Variants in VAV3 observed in about 807,000 individuals in gnomAD.
The protein encoded by VAV3 is vav guanine nucleotide exchange factor 3.
In VAV3, 94 loss-of-function variants were observed where a neutral mutation model predicts 131.2. The ratio of observed to expected loss-of-function variants is 0.72; its 90% CI spans 0.61 to 0.85. VAV3 has a LOEUF of 0.85. Among genes scored for constraint, VAV3 ranks in the 40% least tolerant of loss-of-function variants. The probability of loss-of-function intolerance (pLI) is 0.00; values close to 1 mark genes in which losing one functional copy is unlikely to be tolerated. For synonymous variants in VAV3, 349 were observed against 342.0 expected (o/e 1.02, Z -0.22); for missense variants, 939 against 1,002.7 (o/e 0.94, Z 0.86).
At chr1:107,954,247 A>G (rs1674691942) in intron 1 of VAV3, among the ~76,000 whole-genome samples, 1 of 152,162 alleles carries the variant, frequency 6.6e-6, no homozygotes. Flanking sequence ...AAAGCACATC[A>G]TTTTAAACAA....
intron 19 of VAV3, among the ~76,000 whole-genome samples, chr1:107,663,483 T>C (rs1391067715): frequency 6.6e-6 from 1 of 152,044 alleles, no homozygotes; most frequent in Non-Finnish European, 1.5e-5. Context: ...TAACTTTGGA[T>C]CGAAAATGAA....
intron 2 of VAV3, among the ~76,000 whole-genome samples, chr1:107,849,416 A>G (rs1053350173): frequency 2.0e-5 from 3 of 152,280 alleles, no homozygotes; most frequent in African/African-American, 7.2e-5. Context: ...GGCCTCAGAA[A>G]TAACACCACA....
At chr1:107,734,078 T>C in intron 15 of VAV3, among the ~76,000 whole-genome samples, 1 of 152,232 alleles carries the variant, frequency 6.6e-6, no homozygotes, top group East Asian at 1.9e-4. Context: ...AGAACAGAAT[T>C]TTCAACCCAG....
At chr1:107,945,741 G>C (rs1398591955) in intron 1 of VAV3, among the ~76,000 whole-genome samples, 1 of 149,998 alleles carries the variant, frequency 6.7e-6, no homozygotes, top group Non-Finnish European at 1.5e-5. Context: ...AGAATCGCTT[G>C]AACCTGGGAG....
At chr1:107,785,870 A>T (rs1453889498) in intron 2 of VAV3, among the ~76,000 whole-genome samples, 3 of 152,230 alleles carry the variant, frequency 2.0e-5, no homozygotes, top group Non-Finnish European at 4.4e-5. Flanking sequence ...GACTAACAAC[A>T]TGTTTCACCT....
chr1:107,863,787 TA>T (rs1323416723), intron 2 of VAV3, among the ~76,000 whole-genome samples: 4 of 152,208 alleles, frequency 2.6e-5, no homozygotes, highest in Non-Finnish European at 5.9e-5. Context: ...GTTTGATCTA[TA>T]GAGGAATCCT....
In VAV3 at chr1:107,954,089, C is replaced by T. The variant is rs1674682034; in HGVS notation, c.204+10577G>A. Among the ~76,000 whole-genome samples the T allele has an allele frequency of 1.3e-5, 2 of 152,162 alleles. 1 individual carries two copies. The highest frequency in any genetic ancestry group is 4.1e-4 in the South Asian group (2 of 4,822). On this transcript the variant is annotated intron_variant, in intron 1 of 26. Coordinates refer to ENST00000370056, the MANE Select transcript of VAV3 (RefSeq NM_006113.5). ...CCAAGATTAAGGAAAACCAGAATGTCAACTTGTGACTGGCTTTAACACCAT... is the reference window on the plus strand; with the variant it reads ...CCAAGATTAAGGAAAACCAGAATGTTAACTTGTGACTGGCTTTAACACCAT...
chr1:107,928,432 C>T (rs1351898319), intron 1 of VAV3, among the ~76,000 whole-genome samples: 2 of 152,128 alleles, frequency 1.3e-5, no homozygotes, highest in Admixed American at 1.3e-4. Flanking sequence ...AAGGACCAAT[C>T]CTGGAGAAAC....
intron 2 of VAV3, among the ~76,000 whole-genome samples, chr1:107,869,888 A>G (rs564016137): frequency 1.1e-4 from 17 of 152,334 alleles, no homozygotes; most frequent in African/African-American, 3.8e-4. Flanking sequence ...GAGTGAGAAC[A>G]CACAATGTTT....
At chr1:107,919,432 A>G (rs1391262404) in intron 1 of VAV3, among the ~76,000 whole-genome samples, 2 of 152,242 alleles carry the variant, frequency 1.3e-5, no homozygotes, top group Non-Finnish European at 2.9e-5. Context: ...TATTCTTAAT[A>G]TAAACTGGAA....
chr1:107,573,441 A>G, intron 26 of VAV3, 69 bp from the exon 27 acceptor site: 1 of 1,594,918 alleles, frequency 6.3e-7, no homozygotes. Flanking sequence ...TTCTACAAAC[A>G]GAGTATTTTG....
chr1:107,741,004 C>T (rs1662988545), intron 15 of VAV3, among the ~76,000 whole-genome samples: 1 of 152,102 alleles, frequency 6.6e-6, no homozygotes, highest in Non-Finnish European at 1.5e-5. Flanking sequence ...TCCAAACAAA[C>T]CTCCTGATGA....
intron 15 of VAV3, among the ~76,000 whole-genome samples, chr1:107,722,053 G>T (rs1159871193): frequency 6.6e-6 from 1 of 152,182 alleles, no homozygotes; most frequent in Admixed American, 6.5e-5. Context: ...TTATTCTGGT[G>T]GTTAGTATCT....
At chr1:107,931,976 C>T (rs946439435) in intron 1 of VAV3, among the ~76,000 whole-genome samples, 3 of 152,146 alleles carry the variant, frequency 2.0e-5, no homozygotes, top group African/African-American at 4.8e-5. Context: ...CTTAACAGTA[C>T]AGCTAATAAA....
chr1:107,609,816 C>T (rs1250049334), intron 22 of VAV3, 115 bp downstream of exon 22: 11 of 1,082,456 alleles, frequency 1.0e-5, no homozygotes, highest in Non-Finnish European at 1.5e-5. Context: ...TCTGAAAACA[C>T]CTTTAGCCGA....
intron 1 of VAV3, among the ~76,000 whole-genome samples, chr1:107,960,101 T>C (rs1046250871): frequency 6.6e-6 from 1 of 152,198 alleles, no homozygotes; most frequent in Non-Finnish European, 1.5e-5. Context: ...CTGAATGATG[T>C]ATTAGCCTGG....
At chr1:107,660,927 A>G (rs1656965171) in intron 19 of VAV3, among the ~76,000 whole-genome samples, 1 of 152,140 alleles carries the variant, frequency 6.6e-6, no homozygotes, top group South Asian at 2.1e-4. Context: ...GGAAGGCACA[A>G]TGTTCAAACA....
intron 7 of VAV3, 112 bp from the exon 8 acceptor site, chr1:107,766,662 T>G: frequency 1.4e-6 from 1 of 740,340 alleles, no homozygotes; most frequent in Non-Finnish European, 2.3e-6. Context: ...TGCTGAATGC[T>G]CTCAATATAT....
At chr1:107,866,822 C>CAAAAAAA (rs66866060) in intron 2 of VAV3, among the ~76,000 whole-genome samples, 5 of 59,200 alleles carry the variant, frequency 8.4e-5, no homozygotes, top group Admixed American at 2.4e-4. Flanking sequence ...GACTCCATCT[C>CAAAAAAA]AAAAAAAAAA....
Sources: gnomAD v4.1 joint callset for allele counts (sites outside exome capture counted in the v4.1 genomes callset) on GRCh38, gnomAD v4.1.1 for gene constraint, MANE v1.5 for transcripts, NCBI Gene and HGNC (gene_info 2026-07-23, HGNC 2026-07-21) for gene names.